The following TRIM51G variants were observed in gnomAD, a reference collection of about 807,000 sequenced individuals.
TRIM51G encodes the protein tripartite motif-containing protein 51G.
At chr11:48,982,493 G>C in the TRIM51G span, among the ~76,000 whole-genome samples, 2 of 152,018 alleles carry the variant, frequency 1.3e-5, no homozygotes, top group Non-Finnish European at 2.9e-5. Flanking sequence ...AGACATGTAA[G>C]TTGGTGAGCT....
chr11:48,975,845 A>G, the TRIM51G span: 3 of 1,201,054 alleles, frequency 2.5e-6, no homozygotes, highest in East Asian at 4.7e-5. Flanking sequence ...AATTTGCCAG[A>G]TATGAAAAAA....
At chr11:48,975,695 G>A in the TRIM51G span, 1 of 1,520,818 alleles carries the variant, frequency 6.6e-7, no homozygotes, top group Non-Finnish European at 9.1e-7. Context: ...AGACTGCAGT[G>A]AGTGTCCTCC....
At chr11:48,980,344 C>T in the TRIM51G span, among the ~76,000 whole-genome samples, 4 of 152,228 alleles carry the variant, frequency 2.6e-5, no homozygotes, top group South Asian at 8.3e-4. Context: ...ATATTTCTCA[C>T]ATATTTATGT....
the TRIM51G span, among the ~76,000 whole-genome samples, chr11:48,983,535 T>C: frequency 5.3e-5 from 8 of 152,098 alleles, no homozygotes; most frequent in Admixed American, 5.3e-4. Flanking sequence ...ACTAGATATC[T>C]AAAATTTTTC....
the TRIM51G span, among the ~76,000 whole-genome samples, chr11:48,976,310 G>C: frequency 9.2e-5 from 14 of 152,032 alleles, no homozygotes; most frequent in African/African-American, 3.4e-4. Flanking sequence ...ATGCCCTTTA[G>C]CTATCAAGGT....
chr11:48,979,814 T>TATAA, the TRIM51G span, among the ~76,000 whole-genome samples: 23 of 146,568 alleles, frequency 1.6e-4, no homozygotes, highest in African/African-American at 5.8e-4. Flanking sequence ...TATATATATA[T>TATAA]AATATATATA....
chr11:48,979,011 C>A, the TRIM51G span: 12 of 1,264,706 alleles, frequency 9.5e-6, no homozygotes, highest in East Asian at 2.5e-4. Context: ...CTTTTGCAGC[C>A]TCTCCAAGTG....
At chr11:48,975,830 A>G in the TRIM51G span, 8 of 1,362,042 alleles carry the variant, frequency 5.9e-6, no homozygotes, top group Non-Finnish European at 7.3e-6. Flanking sequence ...TTAAACTCCC[A>G]ATAAAATTTG....
chr11:48,980,413 T>C, the TRIM51G span, among the ~76,000 whole-genome samples: 1 of 152,172 alleles, frequency 6.6e-6, no homozygotes, highest in Non-Finnish European at 1.5e-5. Flanking sequence ...GTGTTATGAC[T>C]GATTCAATAT....
At chr11:48,975,580 T>A in the TRIM51G span, 1 of 1,384,144 alleles carries the variant, frequency 7.2e-7, no homozygotes, top group Non-Finnish European at 1.0e-6. Context: ...GGAACTTCTA[T>A]CCACATCAAC....
the TRIM51G span, among the ~76,000 whole-genome samples, chr11:48,978,312 C>A: frequency 6.6e-6 from 1 of 152,094 alleles, no homozygotes; most frequent in Non-Finnish European, 1.5e-5. Flanking sequence ...ATGAAAATCC[C>A]AGTCTATCAT....
chr11:48,983,609 A>G, the TRIM51G span, among the ~76,000 whole-genome samples: 1 of 151,556 alleles, frequency 6.6e-6, no homozygotes, highest in African/African-American at 2.4e-5. Flanking sequence ...CATGTCATAA[A>G]ATGAATAGCA....
the TRIM51G span, chr11:48,980,755 T>C: frequency 0.22 from 80,800 of 370,448 alleles, 10,421 homozygotes; most frequent in South Asian, 0.42. Context: ...CACTAACTTA[T>C]ATAAAAAATT....
At chr11:48,977,793 T>G in the TRIM51G span, among the ~76,000 whole-genome samples, 2 of 152,144 alleles carry the variant, frequency 1.3e-5, no homozygotes, top group Non-Finnish European at 2.9e-5. Flanking sequence ...ATGCAATATT[T>G]TCTCTTGCAA....
the TRIM51G span, chr11:48,981,412 G>A: frequency 2.3e-5 from 37 of 1,607,790 alleles, no homozygotes; most frequent in Middle Eastern, 2.3e-4. Context: ...CTCTCTGTGC[G>A]TCCCACATAT....
At chr11:48,975,637 T>C in the TRIM51G span, 18 of 1,408,310 alleles carry the variant, frequency 1.3e-5, no homozygotes, top group Non-Finnish European at 1.7e-5. Flanking sequence ...TCCTACTGTG[T>C]CTGTAGGTCT....
chr11:48,979,033 C>T, the TRIM51G span: 4 of 1,077,288 alleles, frequency 3.7e-6, no homozygotes, highest in East Asian at 2.4e-5. Flanking sequence ...CGTTGCTCTT[C>T]TTCATGGAAA....
At chr11:48,981,215 T>C in the TRIM51G span, 1 of 1,584,212 alleles carries the variant, frequency 6.3e-7, no homozygotes, top group Admixed American at 1.7e-5. Context: ...TCATCCAATC[T>C]CGAAGGAAAT....
chr11:48,983,374 A>T, the TRIM51G span, among the ~76,000 whole-genome samples: 44 of 151,868 alleles, frequency 2.9e-4, no homozygotes, highest in African/African-American at 1.0e-3. Flanking sequence ...AATCATGTCT[A>T]AAAGCTTAAT....
Sources: gnomAD v4.1 joint callset for allele counts (sites outside exome capture counted in the v4.1 genomes callset) on GRCh38, gnomAD v4.1.1 for gene constraint, MANE v1.5 for transcripts, NCBI Gene and HGNC (gene_info 2026-07-23, HGNC 2026-07-21) for gene names.